The following TSEN2 variants were observed in gnomAD, a reference collection of about 807,000 sequenced individuals.
TSEN2 encodes tRNA splicing endonuclease subunit 2, also known as tRNA-splicing endonuclease subunit Sen2.
Under a neutral mutation model 59.2 loss-of-function variants are expected in TSEN2, and 54 were observed. That is an observed-to-expected ratio of 0.91 (90% confidence interval 0.73 to 1.14). The LOEUF (loss-of-function observed/expected upper bound fraction) is 1.14. Ranked by LOEUF, TSEN2 falls within the 50% of genes most tolerant of loss-of-function variation. TSEN2 has a pLI of 0.00. For synonymous variants in TSEN2, 195 were observed against 198.2 expected (o/e 0.98, Z 0.14); for missense variants, 636 against 576.2 (o/e 1.10, Z -1.06).
At chr3:12,524,739 C>CTTTTTTTTTTT (rs746602626) in intron 8 of TSEN2, among the ~76,000 whole-genome samples, 3 of 131,788 alleles carry the variant, frequency 2.3e-5, no homozygotes, top group Admixed American at 8.0e-5. Context: ...TCTTTGGTCT[C>CTTTTTTTTTTT]TTTTTTTTTT....
chr3:12,498,927 G>C (rs1189256248), intron 4 of TSEN2, among the ~76,000 whole-genome samples: 1 of 152,114 alleles, frequency 6.6e-6, no homozygotes, highest in Non-Finnish European at 1.5e-5. Flanking sequence ...TGTCATAATA[G>C]TTGTTCGTAT....
Position 12,519,191 on chromosome 3 carries a change from G to A in TSEN2, c.1093G>A (p.Asp365Asn). The A allele has an allele frequency of 1.2e-6, 2 of 1,614,230 alleles. No homozygotes were observed. Among genetic ancestry groups the A allele is most frequent in the Non-Finnish European group, 1.7e-6 (2 of 1,180,044 alleles). ...CAAAGTGGGACTCAAGTACGGGACA[G>A]ATTTACGTAAGTAATTCTTGGCGTG... ...VPKVGLKYGT[D>N]LLLYRKGPPF... The change falls in exon 8 of 12, where the codon GAT becomes AAT. Residue 365 changes from aspartate (D) to asparagine (N), a missense_variant. Coordinates refer to ENST00000284995, the MANE Select transcript of TSEN2 (RefSeq NM_025265.4).
chr3:12,504,333 G>A (rs565865345), intron 5 of TSEN2, among the ~76,000 whole-genome samples: 1 of 152,276 alleles, frequency 6.6e-6, no homozygotes, highest in Admixed American at 6.5e-5. Flanking sequence ...TGTAATCCCA[G>A]CACTTTGGGA....
At chr3:12,481,088 G>T (rs1261892264), upstream of TSEN2, among the ~76,000 whole-genome samples, 1 of 152,286 alleles carries the variant, frequency 6.6e-6, no homozygotes. Context: ...CACTAGGGTG[G>T]CCAGATAAAA....
intron 5 of TSEN2, among the ~76,000 whole-genome samples, chr3:12,504,873 C>T (rs1415900916): frequency 1.3e-5 from 2 of 151,912 alleles, no homozygotes; most frequent in African/African-American, 4.8e-5. Context: ...TGGTGGCACA[C>T]GCCTGTAGTC....
intron 6 of TSEN2, among the ~76,000 whole-genome samples, chr3:12,511,900 T>C (rs1193588237): frequency 6.6e-6 from 1 of 152,174 alleles, no homozygotes; most frequent in Non-Finnish European, 1.5e-5. Context: ...TAAGTTCTTC[T>C]AAGAGGCCAT....
intron 4 of TSEN2, 63 bp downstream of exon 4, chr3:12,496,617 G>C: frequency 5.8e-6 from 9 of 1,563,640 alleles, no homozygotes; most frequent in Non-Finnish European, 7.9e-6. Context: ...TTTTTAGGTA[G>C]TCTTGTCCCA....
chr3:12,505,083 T>C, intron 5 of TSEN2, 71 bp from the exon 6 acceptor site: 1 of 916,454 alleles, frequency 1.1e-6, no homozygotes, highest in South Asian at 1.3e-5. Flanking sequence ...AAATGTTCAT[T>C]TTAAAATACA....
chr3:12,482,101 C>T (rs905132227), upstream of TSEN2, among the ~76,000 whole-genome samples: 1 of 151,904 alleles, frequency 6.6e-6, no homozygotes, highest in African/African-American at 2.4e-5. Flanking sequence ...AATGAGATAC[C>T]AAAGGTTGAA....
downstream of TSEN2, among the ~76,000 whole-genome samples, chr3:12,537,202 G>T (rs977064762): frequency 1.3e-5 from 2 of 152,120 alleles, no homozygotes; most frequent in African/African-American, 2.4e-5. Context: ...CTTGAGACCA[G>T]CCTGGGCAAC....
rs761625303 is a variant in TSEN2, at chr3:12,503,495, G to T, written c.542G>T (p.Gly181Val). Residue 181 changes from glycine to valine, a missense_variant, in exon 5 of 12, where the codon GGT becomes GTT. Transcript: ENST00000284995. ...GTAAACGGGGACTCTGGAAAGTCAG[G>T]TGGTGTGGGTGATCCCCGTGAGCCA... ...SVVNGDSGKS[G>V]GVGDPREPLG... is the part of the protein sequence containing the mutation. The T allele has an allele frequency of 6.6e-5, 106 of 1,614,120 alleles. No homozygotes were observed. The highest frequency in any genetic ancestry group is 5.1e-6 in the Non-Finnish European group (6 of 1,180,046).
chr3:12,499,726 C>T (rs1316634065), intron 4 of TSEN2, among the ~76,000 whole-genome samples: 1 of 152,156 alleles, frequency 6.6e-6, no homozygotes, highest in South Asian at 2.1e-4. Context: ...TGCTAAGTAT[C>T]GTGCCAGTGA....
At chr3:12,528,863 T>G (rs2057280187) in intron 8 of TSEN2, 25 bp from the exon 9 acceptor site, 1 of 1,613,466 alleles carries the variant, frequency 6.2e-7, no homozygotes, top group Non-Finnish European at 8.5e-7. Context: ...TGGTTATACT[T>G]CTTTTTTTTC....
intron 10 of TSEN2, chr3:12,531,312 G>T (rs773948573): frequency 7.2e-5 from 32 of 445,150 alleles, no homozygotes; most frequent in Non-Finnish European, 1.2e-4. Flanking sequence ...ACTATATTTA[G>T]TATTCTTAAT....
At chr3:12,495,982 C>A (rs1299852761) in intron 3 of TSEN2, among the ~76,000 whole-genome samples, 1 of 152,176 alleles carries the variant, frequency 6.6e-6, no homozygotes. Context: ...CCTCATCAGG[C>A]TGGTCTTCAA....
chr3:12,496,490 T>G (rs1412767151), intron 3 of TSEN2, 28 bp from the exon 4 acceptor site: 1 of 1,613,618 alleles, frequency 6.2e-7, no homozygotes, highest in Non-Finnish European at 8.5e-7. Flanking sequence ...GAAATTTGCC[T>G]GAAACTAATA....
chr3:12,524,584 G>A (rs766481464), intron 8 of TSEN2, among the ~76,000 whole-genome samples: 2 of 152,096 alleles, frequency 1.3e-5, no homozygotes, highest in African/African-American at 2.4e-5. Context: ...AATTCAGGAT[G>A]ATCTCATCTC....
chr3:12,527,486 C>T (rs536266718), intron 8 of TSEN2, among the ~76,000 whole-genome samples: 4 of 145,628 alleles, frequency 2.7e-5, no homozygotes, highest in Non-Finnish European at 6.0e-5. Context: ...CGGAGTCTCG[C>T]TCTGTCGCCC....
rs3806662 is a variant in TSEN2, at chr3:12,484,507, G to A, written c.-391G>A. The A allele has an allele frequency of 0.089, 13,545 of 152,144 alleles. 778 individuals carry two copies. Among genetic ancestry groups the A allele is most frequent in the Admixed American group, 0.17 (2,591 of 15,300 alleles). 9.4% of individuals were successfully genotyped at this position (152,144 alleles called of 1,614,324 possible). ...TGCCGGGGTAACGGCGAGCGCGTGG[G>A]GCCAAGAAAGGTAAGGGCCCTGGGC... On this transcript the variant is annotated 5_prime_UTR_variant, in exon 1 of 12. Coordinates refer to ENST00000284995, the MANE Select transcript of TSEN2 (RefSeq NM_025265.4).
Sources: allele counts gnomAD v4.1 joint callset (sites outside exome capture counted in the v4.1 genomes callset), GRCh38; gene constraint gnomAD v4.1.1; transcripts MANE v1.5; gene names NCBI Gene and HGNC (gene_info 2026-07-23, HGNC 2026-07-21).